The following ANOS1 variants were observed in gnomAD, a reference collection of about 807,000 sequenced individuals.
The protein encoded by ANOS1 is anosmin 1, also known as anosmin-1.
In ANOS1, 6 loss-of-function variants were observed where a neutral mutation model predicts 59.0. The ratio of observed to expected loss-of-function variants is 0.10; its 90% CI spans 0.06 to 0.20. ANOS1 has a LOEUF of 0.20. ANOS1 is among the 10% of genes least tolerant of loss of function. The pLI is 1.00. For synonymous variants in ANOS1, 217 were observed against 223.4 expected (o/e 0.97, Z 0.25); for missense variants, 433 against 542.3 (o/e 0.80, Z 2.00).
At chrX:8,646,085 T>C (rs1931749603) in intron 2 of ANOS1, among the ~76,000 whole-genome samples, 1 of 112,215 alleles carries the variant, frequency 8.9e-6, no homozygotes, top group African/African-American at 3.2e-5. Flanking sequence ...TGAGCCACCG[T>C]GCTGGGACAA....
intron 1 of ANOS1, among the ~76,000 whole-genome samples, chrX:8,720,804 C>A (rs1932870349): frequency 9.0e-6 from 1 of 111,074 alleles, no homozygotes; most frequent in Non-Finnish European, 1.9e-5. Context: ...TGTAACACAC[C>A]TGTAGTCCCA....
chrX:8,590,217 A>G (rs1339705372), intron 4 of ANOS1, among the ~76,000 whole-genome samples: 1 of 111,966 alleles, frequency 8.9e-6, no homozygotes, highest in Non-Finnish European at 1.9e-5. Flanking sequence ...ATAATTGGCT[A>G]CCATTTATTT....
At chrX:8,553,145 G>A (rs1189266405) in intron 9 of ANOS1, among the ~76,000 whole-genome samples, 5 of 109,224 alleles carry the variant, frequency 4.6e-5, no homozygotes, top group African/African-American at 1.7e-4. Context: ...ATAAAAGACT[G>A]TATGTTGAAT....
At chrX:8,693,124 G>T (rs1358500373) in intron 2 of ANOS1, among the ~76,000 whole-genome samples, 1 of 112,458 alleles carries the variant, frequency 8.9e-6, no homozygotes, top group Non-Finnish European at 1.9e-5. Context: ...TCCTAAGTGG[G>T]CTTTTAGGGA....
intron 8 of ANOS1, among the ~76,000 whole-genome samples, chrX:8,555,266 A>G (rs1003044369): frequency 9.0e-6 from 1 of 111,694 alleles, no homozygotes; most frequent in Non-Finnish European, 1.9e-5. Flanking sequence ...AAATGCCCAC[A>G]GGAGAAAGCG....
chrX:8,588,131 C>G (rs1419068353), intron 4 of ANOS1, among the ~76,000 whole-genome samples, 153 bp from the exon 5 acceptor site: 1 of 111,828 alleles, frequency 8.9e-6, no homozygotes, highest in African/African-American at 3.2e-5. Context: ...GGTTTCACAT[C>G]TGAAGTCTTC....
intron 2 of ANOS1, among the ~76,000 whole-genome samples, chrX:8,679,144 G>A (rs1159343350): frequency 9.0e-6 from 1 of 111,552 alleles, no homozygotes; most frequent in Non-Finnish European, 1.9e-5. Flanking sequence ...AAAATCATGG[G>A]TTCATATATG....
At chrX:8,654,437 T>G (rs185761106) in intron 2 of ANOS1, among the ~76,000 whole-genome samples, 7 of 112,496 alleles carry the variant, frequency 6.2e-5, no homozygotes, top group Non-Finnish European at 1.3e-4. Flanking sequence ...CCAAATATGT[T>G]TTTGACCTAC....
chrX:8,671,587 GTATATATA>G (rs752088039), intron 2 of ANOS1, among the ~76,000 whole-genome samples: 1 of 102,220 alleles, frequency 9.8e-6, no homozygotes, highest in East Asian at 3.0e-4. Flanking sequence ...ATGTGTATGA[GTATATATA>G]TATATATATG....
intron 2 of ANOS1, among the ~76,000 whole-genome samples, chrX:8,642,081 T>C (rs1486465405): frequency 9.0e-6 from 1 of 111,653 alleles, no homozygotes; most frequent in Non-Finnish European, 1.9e-5. Context: ...TTATTCATAA[T>C]AGCCAAAAAG....
intron 1 of ANOS1, among the ~76,000 whole-genome samples, chrX:8,712,848 T>C (rs1386712861): frequency 4.5e-5 from 5 of 112,284 alleles, no homozygotes; most frequent in Non-Finnish European, 7.5e-5. Flanking sequence ...ATGAGGTGAT[T>C]TGGCCAAGCA....
intron 2 of ANOS1, among the ~76,000 whole-genome samples, chrX:8,626,282 T>G (rs1931391903): frequency 1.8e-5 from 2 of 110,642 alleles, no homozygotes; most frequent in African/African-American, 6.6e-5. Flanking sequence ...CCATTACTCT[T>G]TGGAGTAATG....
At chrX:8,697,402 A>T (rs956800087) in intron 2 of ANOS1, among the ~76,000 whole-genome samples, 1 of 111,417 alleles carries the variant, frequency 9.0e-6, no homozygotes, top group Non-Finnish European at 1.9e-5. Flanking sequence ...GATGCCACTT[A>T]TATGTTTGAA....
intron 10 of ANOS1, 60 bp from the exon 11 acceptor site, chrX:8,537,002 T>C: frequency 1.0e-6 from 1 of 953,526 alleles, no homozygotes; most frequent in Non-Finnish European, 1.5e-6. Flanking sequence ...TAAAAAACAC[T>C]GGCAAGAATT....
intron 3 of ANOS1, among the ~76,000 whole-genome samples, chrX:8,612,307 A>G (rs1416306410): frequency 9.0e-6 from 1 of 111,669 alleles, no homozygotes; most frequent in Non-Finnish European, 1.9e-5. Context: ...AAAAATAAAA[A>G]CATGCTATAA....
intron 3 of ANOS1, among the ~76,000 whole-genome samples, chrX:8,613,722 T>C (rs1412776874): frequency 2.8e-5 from 3 of 108,700 alleles, no homozygotes; most frequent in Admixed American, 1.9e-4. Flanking sequence ...CTCACTGCAG[T>C]CTCGACCTCC....
chrX:8,714,453 G>A (rs1172250785), intron 1 of ANOS1, among the ~76,000 whole-genome samples: 5 of 110,722 alleles, frequency 4.5e-5, no homozygotes, highest in Admixed American at 2.9e-4. Flanking sequence ...ATATGCTTCC[G>A]GATAACATGA....
rs1327488813 is a variant in ANOS1, at chrX:8,532,163, A to G, written c.*832T>C. 8.9e-6 allele frequency: 1 copy of G among 112,246 alleles called. No individual in the cohort carries two copies. The highest frequency in any genetic ancestry group is 1.9e-5 in the Non-Finnish European group (1 of 53,213). 9.3% of individuals were successfully genotyped at this position (112,246 alleles called of 1,213,427 possible). On this transcript the variant is annotated 3_prime_UTR_variant, in exon 14 of 14. Transcript: ENST00000262648. ...GTTTTGTGAATTTTCAGATGGTGAAACAAAAGTGCACCAAAAGCTATTATC... is the reference window on the plus strand; with the variant it reads ...GTTTTGTGAATTTTCAGATGGTGAAGCAAAAGTGCACCAAAAGCTATTATC...
At chrX:8,593,111 TAATAA>T (rs1412754985) in intron 4 of ANOS1, among the ~76,000 whole-genome samples, 4 of 112,316 alleles carry the variant, frequency 3.6e-5, no homozygotes, top group African/African-American at 1.3e-4. Context: ...ATTCATTAAG[TAATAA>T]AATGAAATAT....
Sources: gnomAD v4.1 joint callset for allele counts (sites outside exome capture counted in the v4.1 genomes callset) on GRCh38, gnomAD v4.1.1 for gene constraint, MANE v1.5 for transcripts, NCBI Gene and HGNC (gene_info 2026-07-23, HGNC 2026-07-21) for gene names.